ACOT7: variants seen among roughly 807,000 people sequenced by gnomAD.
ACOT7 encodes acyl-CoA thioesterase 7, also known as cytosolic acyl coenzyme A thioester hydrolase.
Under a neutral mutation model 40.2 loss-of-function variants are expected in ACOT7, and 12 were observed. That is an observed-to-expected ratio of 0.30 (90% CI 0.19 to 0.48). ACOT7 has a LOEUF of 0.48. Among genes scored for constraint, ACOT7 ranks in the 20% least tolerant of loss-of-function variants. ACOT7 has a pLI of 0.99. For missense variants in ACOT7, 395 were observed against 530.8 expected (o/e 0.74, Z 2.51); for synonymous variants, 228 against 219.5 (o/e 1.04, Z -0.34).
At chr1:6,379,007 T>C (rs1377049572) in intron 1 of ACOT7, among the ~76,000 whole-genome samples, 4 of 151,846 alleles carry the variant, frequency 2.6e-5, no homozygotes, top group Non-Finnish European at 5.9e-5. Context: ...ACCATTCTCC[T>C]GCCTCAGCCT....
rs1639272812 is a variant in ACOT7 at position 6,278,765 on chromosome 1, G to A, written c.1014+2337C>T. ...GGGTTCGGGGACCGTGTGGTGGCCG[G>A]GGAGGCTGGAGTATCCCTACAGACA... On this transcript the variant is annotated intron_variant, in intron 8 of 8. Coordinates refer to ENST00000361521, the MANE Select transcript of ACOT7 (RefSeq NM_007274.4). This position sits in a 1 kb window ranked among gnomAD's most constrained non-coding sequence, Gnocchi z 4.1. 6.6e-6 allele frequency among the ~76,000 whole-genome samples: 1 copy of A among 152,182 alleles called. No homozygotes were observed. The highest frequency in any genetic ancestry group is 1.5e-5 in the Non-Finnish European group (1 of 68,040).
intron 8 of ACOT7, 58 bp downstream of exon 8, chr1:6,281,044 C>T (rs1238415968): frequency 1.3e-6 from 2 of 1,573,984 alleles, no homozygotes; most frequent in Non-Finnish European, 8.6e-7. Flanking sequence ...GGCCCAAACA[C>T]AGGGACCCTA....
intron 5 of ACOT7, among the ~76,000 whole-genome samples, chr1:6,325,827 G>A (rs757004944): frequency 1.3e-5 from 2 of 152,210 alleles, no homozygotes; most frequent in African/African-American, 2.4e-5. Context: ...CTAAGCAAGG[G>A]AGGTGAGCGG....
rs972621137 is a variant in ACOT7 at position 6,306,191 on chromosome 1, G to A, written c.713-11211C>T. ...GAGGGAGACCGTGGCAAGAGAGGGAGAGGGAGACCGTGGGGAGAGGGGGAG... is the reference window on the plus strand; with the variant it reads ...GAGGGAGACCGTGGCAAGAGAGGGAAAGGGAGACCGTGGGGAGAGGGGGAG... On this transcript the variant is annotated intron_variant, in intron 6 of 8. Coordinates refer to ENST00000361521, the MANE Select transcript of ACOT7 (RefSeq NM_007274.4). The surrounding 1 kb of genome is among the most constrained non-coding windows in gnomAD (Gnocchi z 4.3). 8.6e-6 allele frequency: 8 copies of A among 933,104 alleles called. No homozygotes were observed. The highest frequency in any genetic ancestry group is 1.0e-5 in the Non-Finnish European group (8 of 787,862). 57.8% of individuals were successfully genotyped at this position (933,104 alleles called of 1,614,324 possible). A position where few individuals can be genotyped will look rare whatever the true frequency, so the allele number is the denominator to read the frequency against.
chr1:6,325,888 C>A (rs970812393), intron 5 of ACOT7, among the ~76,000 whole-genome samples: 1 of 152,342 alleles, frequency 6.6e-6, no homozygotes, highest in Admixed American at 6.5e-5. Flanking sequence ...CGCCTCTCGG[C>A]AGGGCTAGGA....
intron 1 of ACOT7, among the ~76,000 whole-genome samples, chr1:6,357,291 G>A (rs1464191837): frequency 1.3e-5 from 2 of 152,222 alleles, no homozygotes; most frequent in Non-Finnish European, 2.9e-5. Flanking sequence ...GAAACCCAGG[G>A]TAACCAGGGG....
At chr1:6,283,377 G>A (rs560776503) in intron 7 of ACOT7, among the ~76,000 whole-genome samples, 1 of 152,278 alleles carries the variant, frequency 6.6e-6, no homozygotes, top group Non-Finnish European at 1.5e-5. Flanking sequence ...GACCAGGCTG[G>A]TCTAGAACTC....
intron 6 of ACOT7, among the ~76,000 whole-genome samples, chr1:6,303,747 G>A (rs1324592979): frequency 2.0e-5 from 3 of 152,170 alleles, no homozygotes; most frequent in African/African-American, 4.8e-5. Context: ...GAGAACCTGC[G>A]AGACAGCCCT....
At chr1:6,313,109 G>A (rs750514173) in intron 6 of ACOT7, among the ~76,000 whole-genome samples, 1 of 152,226 alleles carries the variant, frequency 6.6e-6, no homozygotes, top group Non-Finnish European at 1.5e-5. Context: ...CAATGTGAGT[G>A]CACAGCATAA....
chr1:6,386,260 A>G (rs983192326), intron 1 of ACOT7, among the ~76,000 whole-genome samples: 1 of 151,976 alleles, frequency 6.6e-6, no homozygotes, highest in African/African-American at 2.4e-5. Context: ...TCCTGGGCCT[A>G]CCCCTCCCTG....
Position 6,274,460 on chromosome 1 carries a change from C to A in ACOT7, c.1014+6642G>T, listed in dbSNP as rs1435165352. 6.6e-6 allele frequency among the ~76,000 whole-genome samples: 1 copy of A among 152,216 alleles called. No individual in the cohort carries two copies. Among genetic ancestry groups the A allele is most frequent in the Non-Finnish European group, 1.5e-5 (1 of 68,038 alleles). On this transcript the variant is annotated intron_variant, in intron 8 of 8. Coordinates refer to ENST00000361521, the MANE Select transcript of ACOT7 (RefSeq NM_007274.4). This position sits in a 1 kb window ranked among gnomAD's most constrained non-coding sequence, Gnocchi z 5.9. ...AGCAGGTCAAACAGTGCCCTCCTTC[C>A]GGACGCTCCAGCCCATGCCACGCTG...
At chr1:6,308,059 C>A (rs1640213016) in intron 6 of ACOT7, among the ~76,000 whole-genome samples, 1 of 148,164 alleles carries the variant, frequency 6.7e-6, no homozygotes, top group East Asian at 2.0e-4. Flanking sequence ...AAGGAACAGC[C>A]ACAGGCAGAG....
intron 4 of ACOT7, 63 bp downstream of exon 4, chr1:6,333,414 T>A: frequency 2.2e-5 from 35 of 1,578,656 alleles, no homozygotes; most frequent in Non-Finnish European, 3.0e-5. Context: ...CCTCCCAACA[T>A]CAGGTGAGGT....
chr1:6,286,934 A>C (rs1199048603), intron 7 of ACOT7, among the ~76,000 whole-genome samples: 1 of 152,172 alleles, frequency 6.6e-6, no homozygotes, highest in Non-Finnish European at 1.5e-5. Context: ...GAATCATACC[A>C]CAAAGTAACA....
chr1:6,340,238 T>A (rs1641238523), intron 2 of ACOT7, among the ~76,000 whole-genome samples: 1 of 152,114 alleles, frequency 6.6e-6, no homozygotes, highest in Admixed American at 6.5e-5. Flanking sequence ...AGTGCTGGGA[T>A]TACAGGCATG....
At position 6,355,888 on chromosome 1, in the gene ACOT7, G is replaced by A. The variant is rs1174177464; in HGVS notation, c.144-6022C>T. Among the ~76,000 whole-genome samples, 2 of 152,084 alleles carry A rather than the reference G, an allele frequency of 1.3e-5. No homozygotes were observed. The highest frequency in any genetic ancestry group is 1.5e-5 in the Non-Finnish European group (1 of 67,984). On this transcript the variant is annotated intron_variant, in intron 1 of 8. Coordinates refer to ENST00000361521, the MANE Select transcript of ACOT7 (RefSeq NM_007274.4). This position sits in a 1 kb window ranked among gnomAD's most constrained non-coding sequence, Gnocchi z 5.0. ...GGGGAGCCTGGCAGGGAGGGGAGCCGCTCCTGCCCCCTGGCCTCACCTTGA... is the reference window on the plus strand; with the variant it reads ...GGGGAGCCTGGCAGGGAGGGGAGCCACTCCTGCCCCCTGGCCTCACCTTGA...
intron 1 of ACOT7, among the ~76,000 whole-genome samples, chr1:6,369,216 G>A (rs1268798002): frequency 3.9e-5 from 6 of 151,948 alleles, no homozygotes; most frequent in Non-Finnish European, 7.4e-5. Context: ...CCTGACCTCA[G>A]GTGATCCACC....
intron 7 of ACOT7, among the ~76,000 whole-genome samples, chr1:6,291,735 G>A (rs752053413): frequency 5.1e-4 from 77 of 152,294 alleles, no homozygotes; most frequent in Non-Finnish European, 8.8e-4. Context: ...AGAGGCAGGT[G>A]TGGGGCTCGA....
chr1:6,264,745 T>C (rs1250472395), intron 8 of ACOT7, 50 bp from the exon 9 acceptor site: 2 of 1,586,930 alleles, frequency 1.3e-6, no homozygotes, highest in Middle Eastern at 1.7e-4. Context: ...GCAGAACCAG[T>C]GCCGTGGCCT....
Sources: gnomAD v4.1 joint callset for allele counts (sites outside exome capture counted in the v4.1 genomes callset) on GRCh38, gnomAD v4.1.1 for gene constraint, Gnocchi (gnomAD v3.1) non-coding constraint, MANE v1.5 for transcripts, NCBI Gene and HGNC (gene_info 2026-07-23, HGNC 2026-07-21) for gene names.